Variants in STAMBPL1 observed in about 807,000 individuals in gnomAD.
The protein encoded by STAMBPL1 is AMSH-like protease.
STAMBPL1 carries 44 observed loss-of-function variants against 52.9 expected under a neutral mutation model. The observed-to-expected ratio is 0.83, with a 90% confidence interval of 0.65 to 1.07. The LOEUF (loss-of-function observed/expected upper bound fraction) is 1.07, where lower values mean the gene tolerates loss of function less well. Ranked by LOEUF, STAMBPL1 falls within the 50% of genes least tolerant of loss-of-function variation. The pLI is 0.00. For missense variants in STAMBPL1, 511 were observed against 520.8 expected (o/e 0.98, Z 0.18); for synonymous variants, 164 against 177.3 (o/e 0.92, Z 0.60).
chr10:88,911,819 T>C (rs1336071754), intron 5 of STAMBPL1, among the ~76,000 whole-genome samples: 1 of 152,184 alleles, frequency 6.6e-6, no homozygotes, highest in Non-Finnish European at 1.5e-5. Context: ...AAATTGGAAA[T>C]GTCCCTCAAG....
chr10:88,902,834 G>T (rs1447139007), intron 2 of STAMBPL1, among the ~76,000 whole-genome samples: 1 of 152,176 alleles, frequency 6.6e-6, no homozygotes, highest in African/African-American at 2.4e-5. Flanking sequence ...CTCCCAGATT[G>T]CTGGGATTAC....
intron 1 of STAMBPL1, among the ~76,000 whole-genome samples, chr10:88,891,663 A>G (rs1248491975): frequency 2.6e-5 from 4 of 152,102 alleles, no homozygotes; most frequent in African/African-American, 4.8e-5. Flanking sequence ...CTTATAAGGT[A>G]TTTTTTTGCC....
At chr10:88,896,204 T>C (rs1844806716) in intron 1 of STAMBPL1, among the ~76,000 whole-genome samples, 1 of 152,242 alleles carries the variant, frequency 6.6e-6, no homozygotes, top group South Asian at 2.1e-4. Context: ...AGCATATTTC[T>C]GATTGCAGAT....
intron 1 of STAMBPL1, chr10:88,894,050 A>C (rs1033357058): frequency 1.3e-5 from 2 of 152,138 alleles, no homozygotes; most frequent in Admixed American, 1.3e-4. Context: ...TAAAATGGAA[A>C]TCATGGTCGT....
chr10:88,892,353 C>CGTGTGCGT (rs1554836201), intron 1 of STAMBPL1, among the ~76,000 whole-genome samples: 2 of 148,908 alleles, frequency 1.3e-5, no homozygotes, highest in African/African-American at 4.9e-5. Flanking sequence ...TGTGCGTGTG[C>CGTGTGCGT]GTGTGTGTGT....
At chr10:88,921,006 AT>A in intron 8 of STAMBPL1, among the ~76,000 whole-genome samples, 1 of 152,316 alleles carries the variant, frequency 6.6e-6, no homozygotes, top group Middle Eastern at 3.4e-3. Context: ...ATGAGAATCT[AT>A]TTAAAGCCCC....
intron 9 of STAMBPL1, 114 bp downstream of exon 9, chr10:88,921,509 G>A (rs908924069): frequency 2.4e-5 from 18 of 754,368 alleles, no homozygotes; most frequent in South Asian, 1.2e-4. Context: ...CAACGCCCTC[G>A]GGAAAAAGAG....
At chr10:88,917,227 TG>T (rs1249536983) in intron 8 of STAMBPL1, among the ~76,000 whole-genome samples, 1 of 152,180 alleles carries the variant, frequency 6.6e-6, no homozygotes, top group Non-Finnish European at 1.5e-5. Flanking sequence ...CAACTGTTAG[TG>T]TGGGTCTAAA....
intron 1 of STAMBPL1, chr10:88,882,178 C>G (rs997808099): frequency 3.3e-5 from 5 of 152,056 alleles, no homozygotes; most frequent in Admixed American, 2.0e-4. Context: ...TAACCTAAGT[C>G]CTTTACCTCT....
intron 2 of STAMBPL1, among the ~76,000 whole-genome samples, 173 bp from the exon 3 acceptor site, chr10:88,905,270 T>C (rs1282311201): frequency 6.6e-6 from 1 of 152,238 alleles, no homozygotes; most frequent in African/African-American, 2.4e-5. Flanking sequence ...TTTTGTTGTA[T>C]AAAGCATGTT....
At chr10:88,902,955 C>T (rs1226294159) in intron 2 of STAMBPL1, among the ~76,000 whole-genome samples, 1 of 152,166 alleles carries the variant, frequency 6.6e-6, no homozygotes, top group African/African-American at 2.4e-5. Context: ...ATTGCAGAAA[C>T]ATTTTCACTT....
intron 1 of STAMBPL1, among the ~76,000 whole-genome samples, chr10:88,895,422 G>A (rs1024694672): frequency 5.9e-5 from 9 of 152,204 alleles, no homozygotes; most frequent in African/African-American, 1.7e-4. Context: ...CTAGGGGATA[G>A]ATAACTGTCT....
chr10:88,899,202 C>T (rs1036009662), intron 1 of STAMBPL1, among the ~76,000 whole-genome samples: 1 of 152,104 alleles, frequency 6.6e-6, no homozygotes. Flanking sequence ...AGAGTCAGAC[C>T]TTTGCCTGCA....
rs574614066 is a variant in STAMBPL1 at position 88,899,330 on chromosome 10, C to T, written c.-53-2326C>T. 1.2e-4 allele frequency among the ~76,000 whole-genome samples: 19 copies of T among 152,214 alleles called. No individual in the cohort carries two copies. In the East Asian group the frequency reaches 3.5e-3, roughly 28 times the overall value. On this transcript the variant is annotated intron_variant, in intron 1 of 10. Transcript: ENST00000371926. ...ACAATACCTACTTGTGGGCTTAAAACCGATGGATTCAGAATCCTTAGGGTG... is the reference window on the plus strand; with the variant it reads ...ACAATACCTACTTGTGGGCTTAAAATCGATGGATTCAGAATCCTTAGGGTG...
At chr10:88,900,057 T>C (rs1844907666) in intron 1 of STAMBPL1, among the ~76,000 whole-genome samples, 1 of 152,218 alleles carries the variant, frequency 6.6e-6, no homozygotes, top group Admixed American at 6.5e-5. Flanking sequence ...GTTTTTTCTT[T>C]CTTGGGCATT....
At chr10:88,887,809 A>G (rs1047062619) in intron 1 of STAMBPL1, among the ~76,000 whole-genome samples, 1 of 152,220 alleles carries the variant, frequency 6.6e-6, no homozygotes, top group South Asian at 2.1e-4. Flanking sequence ...GGCATGAGCC[A>G]CTGCACCCAA....
chr10:88,922,238 C>T, intron 9 of STAMBPL1, 99 bp from the exon 10 acceptor site: 2 of 1,083,308 alleles, frequency 1.8e-6, no homozygotes, highest in Non-Finnish European at 1.4e-6. Context: ...TTTCTCAATC[C>T]CATCTGAGGA....
At chr10:88,914,494 A>T in intron 6 of STAMBPL1, 40 bp from the exon 7 acceptor site, 1 of 1,425,650 alleles carries the variant, frequency 7.0e-7, no homozygotes, top group Non-Finnish European at 9.3e-7. Flanking sequence ...TGGGACATAT[A>T]GTTTGTTTTT....
intron 1 of STAMBPL1, among the ~76,000 whole-genome samples, chr10:88,898,822 C>A (rs561544178): frequency 1.3e-4 from 20 of 152,208 alleles, no homozygotes; most frequent in Non-Finnish European, 7.3e-5. Context: ...CTGCCTCCTA[C>A]AGGAGGATAA....
Sources: gnomAD v4.1 joint callset for allele counts (sites outside exome capture counted in the v4.1 genomes callset) on GRCh38, gnomAD v4.1.1 for gene constraint, MANE v1.5 for transcripts, NCBI Gene and HGNC (gene_info 2026-07-23, HGNC 2026-07-21) for gene names.